Variants in THSD7A observed in about 807,000 individuals in gnomAD.
THSD7A encodes the protein thrombospondin type-1 domain-containing protein 7A.
In THSD7A, 96 loss-of-function variants were observed where a neutral mutation model predicts 231.3. That is an observed-to-expected ratio of 0.41 (90% confidence interval 0.35 to 0.49). The LOEUF (loss-of-function observed/expected upper bound fraction) is 0.49. THSD7A is among the 20% of genes least tolerant of loss of function. THSD7A has a pLI of 0.05. For missense variants in THSD7A, 2,290 were observed against 2,070.2 expected, an observed-to-expected ratio of 1.11 and a Z score of -2.06; for synonymous variants, 940 against 743.3, an observed-to-expected ratio of 1.26 and a Z score of -4.30.
Position 11,829,096 on chromosome 7 carries a change from T to A in THSD7A, c.190+2661A>T, listed in dbSNP as rs564419411. Among the ~76,000 whole-genome samples the A allele has an allele frequency of 3.3e-5, 5 of 152,214 alleles. No homozygotes were observed. In the East Asian group the frequency reaches 7.7e-4, roughly 24 times the overall value. On this transcript the variant is annotated intron_variant, in intron 1 of 27. Transcript: ENST00000423059. ...AACAATATAGTATATAATACATATA[T>A]AAAATATGTATTAATTGACTGTTCA...
rs187602934 is a variant in THSD7A at position 11,577,585 on chromosome 7, G to A, written c.1453+12875C>T. Among the ~76,000 whole-genome samples the A allele has an allele frequency of 5.9e-5, 9 of 151,572 alleles. No individual in the cohort carries two copies. In the Admixed American group the frequency reaches 5.9e-4, roughly 10 times the overall value. ...GCCCGCCTCAGCCTCCCAAAGGCCT[G>A]GGGTTACAGGTGTGAGCCACCATGG... On this transcript the variant is annotated intron_variant, in intron 4 of 27. Transcript: ENST00000423059.
chr7:11,656,613 A>C (rs1453428972), intron 1 of THSD7A, among the ~76,000 whole-genome samples: 1 of 151,920 alleles, frequency 6.6e-6, no homozygotes, highest in Non-Finnish European at 1.5e-5. Context: ...AATAAAAAGA[A>C]TTAGTACCTA....
intron 1 of THSD7A, among the ~76,000 whole-genome samples, chr7:11,684,496 C>A (rs923700877): frequency 6.6e-6 from 1 of 151,312 alleles, no homozygotes; most frequent in Non-Finnish European, 1.5e-5. Context: ...CTAAAGATTC[C>A]ACTGTAAGGC....
chr7:11,801,720 C>G (rs573442151), intron 1 of THSD7A, among the ~76,000 whole-genome samples: 15 of 152,102 alleles, frequency 9.9e-5, no homozygotes, highest in South Asian at 8.3e-4. Context: ...GAAAGTAAAG[C>G]CAAACAACAA....
intron 2 of THSD7A, among the ~76,000 whole-genome samples, chr7:11,615,777 T>C (rs1184073532): frequency 1.3e-5 from 2 of 152,196 alleles, no homozygotes; most frequent in East Asian, 1.9e-4. Flanking sequence ...TGGAGGAACA[T>C]TGATTTAATC....
chr7:11,555,253 A>C (rs1235941883), intron 4 of THSD7A, among the ~76,000 whole-genome samples: 4 of 151,776 alleles, frequency 2.6e-5, no homozygotes. Flanking sequence ...CTATCTCAGC[A>C]CTGCTTTAGC....
At chr7:11,516,642 T>G (rs139148344) in intron 6 of THSD7A, among the ~76,000 whole-genome samples, 144 of 152,326 alleles carry the variant, frequency 9.5e-4, no homozygotes, top group Non-Finnish European at 1.7e-3. Flanking sequence ...AGCTTTCTCT[T>G]TAAGAAAAAA....
chr7:11,509,451 C>A (rs1437051123), intron 6 of THSD7A, among the ~76,000 whole-genome samples: 2 of 152,132 alleles, frequency 1.3e-5, no homozygotes, highest in Non-Finnish European at 2.9e-5. Flanking sequence ...ACCCAAATAA[C>A]TTTTCAATGC....
chr7:11,633,371 C>T (rs1182949763), intron 2 of THSD7A, among the ~76,000 whole-genome samples: 1 of 152,148 alleles, frequency 6.6e-6, no homozygotes, highest in African/African-American at 2.4e-5. Flanking sequence ...CTCAGTCTGT[C>T]AAACTGATAG....
In THSD7A at chr7:11,802,634, G is replaced by A. The variant is rs181134527; in HGVS notation, c.190+29123C>T. 2.2e-3 allele frequency among the ~76,000 whole-genome samples: 329 copies of A among 152,264 alleles called. 1 individual carries two copies. The highest frequency in any genetic ancestry group is 0.02 in the Middle Eastern group (6 of 294). On this transcript the variant is annotated intron_variant, in intron 1 of 27. Coordinates refer to ENST00000423059, the MANE Select transcript of THSD7A (RefSeq NM_015204.3). ...TGGTTCTGCTCTTTCTAATCTGTGT[G>A]TTTTTAAGCAAGTTAGTTAACATTT...
intron 23 of THSD7A, among the ~76,000 whole-genome samples, chr7:11,389,598 CT>C (rs1204809784): frequency 6.6e-6 from 1 of 151,812 alleles, no homozygotes; most frequent in Admixed American, 6.6e-5. Context: ...TGTCTTTTAA[CT>C]GGGGGCATTT....
intron 1 of THSD7A, among the ~76,000 whole-genome samples, chr7:11,801,954 T>C (rs1033416472): frequency 2.0e-5 from 3 of 152,208 alleles, no homozygotes; most frequent in African/African-American, 7.2e-5. Context: ...TTTTTTACAA[T>C]GTGAATATAT....
At chr7:11,388,636 A>G (rs911238329) in intron 23 of THSD7A, among the ~76,000 whole-genome samples, 3 of 152,168 alleles carry the variant, frequency 2.0e-5, no homozygotes, top group Non-Finnish European at 4.4e-5. Flanking sequence ...CTTTTCAAAA[A>G]ACCAGGTAAT....
chr7:11,402,148 A>G (rs1487497934), intron 22 of THSD7A, among the ~76,000 whole-genome samples, 180 bp from the exon 23 acceptor site: 1 of 152,162 alleles, frequency 6.6e-6, no homozygotes, highest in African/African-American at 2.4e-5. Context: ...TTGTATATGT[A>G]TTGTTATTTT....
intron 1 of THSD7A, among the ~76,000 whole-genome samples, chr7:11,749,780 G>A (rs1468047417): frequency 6.6e-6 from 1 of 151,972 alleles, no homozygotes; most frequent in African/African-American, 2.4e-5. Context: ...AAATTTTGAT[G>A]AGTAATGAAT....
chr7:11,792,493 G>A (rs757832790), intron 1 of THSD7A, among the ~76,000 whole-genome samples: 1 of 151,738 alleles, frequency 6.6e-6, no homozygotes, highest in South Asian at 2.1e-4. Context: ...CCTTATAGTG[G>A]GGACAATCTA....
chr7:11,569,922 A>G (rs890484246), intron 4 of THSD7A, among the ~76,000 whole-genome samples: 3 of 152,210 alleles, frequency 2.0e-5, no homozygotes, highest in Non-Finnish European at 4.4e-5. Context: ...TTGTAATCCC[A>G]GCACTTTGGG....
Position 11,373,000 on chromosome 7 carries a change from A to G in THSD7A, c.*2794T>C, listed in dbSNP as rs1194474448. 6.6e-6 allele frequency: 1 copy of G among 151,706 alleles called. No homozygotes were observed. Among genetic ancestry groups the G allele is most frequent in the African/African-American group, 2.4e-5 (1 of 41,300 alleles). 9.4% of individuals were successfully genotyped at this position (151,706 alleles called of 1,614,324 possible). On this transcript the variant is annotated 3_prime_UTR_variant, in exon 28 of 28. Coordinates refer to ENST00000423059, the MANE Select transcript of THSD7A (RefSeq NM_015204.3). ...TTATCCTAACAAACAGTGACCTTCC[A>G]ATATGTTCTCTAATATTAGGTCATG...
intron 10 of THSD7A, among the ~76,000 whole-genome samples, chr7:11,461,421 T>A (rs879667076): frequency 2.0e-5 from 3 of 152,192 alleles, no homozygotes; most frequent in African/African-American, 2.4e-5. Flanking sequence ...ACTGCAAATG[T>A]ATACGTCAGA....
Sources: allele counts gnomAD v4.1 joint callset (sites outside exome capture counted in the v4.1 genomes callset), GRCh38; gene constraint gnomAD v4.1.1; transcripts MANE v1.5; gene names NCBI Gene and HGNC (gene_info 2026-07-23, HGNC 2026-07-21).